The following KHDRBS2 variants were observed in gnomAD, a reference collection of about 807,000 sequenced individuals.
KHDRBS2 encodes KH domain-containing, RNA-binding, signal transduction-associated protein 2.
Under a neutral mutation model 44.3 loss-of-function variants are expected in KHDRBS2, and 26 were observed. That is an observed-to-expected ratio of 0.59 (90% CI 0.43 to 0.81). The LOEUF is 0.81. Ranked by LOEUF, KHDRBS2 falls within the 40% of genes least tolerant of loss-of-function variation. KHDRBS2 has a pLI of 0.00. For missense variants in KHDRBS2, 476 were observed against 433.1 expected (o/e 1.10, Z -0.88); for synonymous variants, 194 against 151.1 (o/e 1.28, Z -2.08).
At chr6:61,952,866 C>A (rs188411833) in intron 4 of KHDRBS2, among the ~76,000 whole-genome samples, 1 of 152,198 alleles carries the variant, frequency 6.6e-6, no homozygotes, top group Admixed American at 6.6e-5. Context: ...CTTCAACTCA[C>A]AACACACATT....
chr6:61,982,055 T>C (rs1466915637), intron 3 of KHDRBS2, among the ~76,000 whole-genome samples: 1 of 152,214 alleles, frequency 6.6e-6, no homozygotes, highest in Non-Finnish European at 1.5e-5. Flanking sequence ...ATATTTAACA[T>C]AGCCATTTTA....
chr6:62,047,801 G>A, intron 3 of KHDRBS2, 77 bp downstream of exon 3: 3 of 861,750 alleles, frequency 3.5e-6, no homozygotes, highest in East Asian at 2.4e-5. Context: ...AGCAGTTCAG[G>A]CATGCTTGTA....
intron 6 of KHDRBS2, among the ~76,000 whole-genome samples, chr6:61,812,707 C>A (rs970556652): frequency 2.0e-5 from 3 of 151,866 alleles, no homozygotes; most frequent in African/African-American, 7.2e-5. Context: ...TAAAACAAAC[C>A]ACTACTCTGT....
intron 4 of KHDRBS2, among the ~76,000 whole-genome samples, chr6:61,934,584 GTATT>G (rs1198582599): frequency 6.6e-6 from 1 of 152,152 alleles, no homozygotes. Flanking sequence ...ACATAAACTT[GTATT>G]TATTTAGTTT....
intron 1 of KHDRBS2, among the ~76,000 whole-genome samples, chr6:62,275,269 T>C (rs1322869162): frequency 2.0e-5 from 3 of 152,164 alleles, no homozygotes; most frequent in African/African-American, 7.2e-5. Context: ...AGCAATATCA[T>C]AATAAAATGC....
At chr6:61,780,746 T>C (rs1782810159) in intron 6 of KHDRBS2, among the ~76,000 whole-genome samples, 1 of 152,184 alleles carries the variant, frequency 6.6e-6, no homozygotes, top group Non-Finnish European at 1.5e-5. Context: ...ACCTAGATTG[T>C]AGCTGTTTGA....
intron 2 of KHDRBS2, among the ~76,000 whole-genome samples, chr6:62,117,590 G>T (rs559180419): frequency 6.6e-6 from 1 of 151,894 alleles, no homozygotes; most frequent in Non-Finnish European, 1.5e-5. Flanking sequence ...CCTTTGTTCT[G>T]CAGAAGCTCT....
intron 4 of KHDRBS2, among the ~76,000 whole-genome samples, chr6:61,952,461 A>G (rs975714172): frequency 3.9e-5 from 6 of 152,096 alleles, no homozygotes; most frequent in African/African-American, 1.4e-4. Context: ...CACTGAGTGC[A>G]CTGAACATAA....
At chr6:61,801,068 T>G (rs753317795) in intron 6 of KHDRBS2, among the ~76,000 whole-genome samples, 20 of 152,212 alleles carry the variant, frequency 1.3e-4, no homozygotes, top group Non-Finnish European at 2.5e-4. Context: ...ACAACAGTTA[T>G]TATAATTTCT....
In KHDRBS2 at chr6:62,047,862, A is replaced by C. The variant is rs1432657595; in HGVS notation, c.336+16T>G. 1.4e-5 allele frequency: 21 copies of C among 1,514,970 alleles called. No homozygotes were observed. Among genetic ancestry groups the C allele is most frequent in the Middle Eastern group, 1.7e-4 (1 of 5,860 alleles). 93.8% of individuals were successfully genotyped at this position (1,514,970 alleles called of 1,614,324 possible). ...ACCTCCTGAATGTGGTAAATATTAG[A>C]TTCAAAGTTCAGTACCTTAGCTTTA... is the stretch of plus-strand genomic sequence containing the variant. On this transcript the variant is annotated intron_variant, in intron 3 of 8. Coordinates refer to ENST00000281156, the MANE Select transcript of KHDRBS2 (RefSeq NM_152688.4).
chr6:62,157,209 G>T (rs1234120771), intron 2 of KHDRBS2, among the ~76,000 whole-genome samples: 1 of 151,534 alleles, frequency 6.6e-6, no homozygotes, highest in African/African-American at 2.4e-5. Flanking sequence ...AGTAGTCCCA[G>T]CTACTCGGGA....
chr6:61,830,985 AG>A (rs1452527644), intron 6 of KHDRBS2, among the ~76,000 whole-genome samples: 1 of 152,164 alleles, frequency 6.6e-6, no homozygotes, highest in African/African-American at 2.4e-5. Context: ...CTTCTTTTTC[AG>A]GTATATTAAG....
At chr6:61,716,086 A>G (rs922606018) in intron 7 of KHDRBS2, among the ~76,000 whole-genome samples, 4 of 151,898 alleles carry the variant, frequency 2.6e-5, no homozygotes, top group African/African-American at 9.7e-5. Flanking sequence ...TGTAACTACT[A>G]GCATGAGGCT....
At chr6:61,977,294 T>C (rs1377428388) in intron 4 of KHDRBS2, among the ~76,000 whole-genome samples, 3 of 152,140 alleles carry the variant, frequency 2.0e-5, no homozygotes, top group Non-Finnish European at 4.4e-5. Flanking sequence ...AATTGTCTTA[T>C]TCCCAGCTCC....
intron 4 of KHDRBS2, among the ~76,000 whole-genome samples, chr6:61,972,262 A>T (rs1771588289): frequency 6.6e-6 from 1 of 152,192 alleles, no homozygotes; most frequent in African/African-American, 2.4e-5. Context: ...AATAATCATG[A>T]TTCTTACTAT....
intron 2 of KHDRBS2, among the ~76,000 whole-genome samples, chr6:62,134,440 C>T (rs1811049792): frequency 1.3e-5 from 2 of 152,112 alleles, no homozygotes; most frequent in African/African-American, 4.8e-5. Flanking sequence ...TCTGCAGGGC[C>T]GAGGTCCTCA....
intron 2 of KHDRBS2, among the ~76,000 whole-genome samples, chr6:62,138,778 T>G (rs918083332): frequency 6.6e-6 from 1 of 152,088 alleles, no homozygotes; most frequent in Non-Finnish European, 1.5e-5. Context: ...TTAAGGAAAA[T>G]AAAGATATGT....
chr6:62,059,198 G>GTTTTTTTTTTT (rs398001756), intron 2 of KHDRBS2, among the ~76,000 whole-genome samples: 280 of 24,880 alleles, frequency 0.011, 115 homozygotes, highest in South Asian at 0.025. Context: ...AAGTTAGGAA[G>GTTTTTTTTTTT]TTTTTTTTTT....
chr6:61,936,884 A>T (rs191210280), intron 4 of KHDRBS2, among the ~76,000 whole-genome samples: 1 of 151,968 alleles, frequency 6.6e-6, no homozygotes, highest in Non-Finnish European at 1.5e-5. Flanking sequence ...AGGTTAAAAA[A>T]CTTCATTTTT....
Sources: allele counts gnomAD v4.1 joint callset (sites outside exome capture counted in the v4.1 genomes callset), GRCh38; gene constraint gnomAD v4.1.1; transcripts MANE v1.5; gene names NCBI Gene and HGNC (gene_info 2026-07-23, HGNC 2026-07-21).